The following CACNA1A variants were observed in gnomAD, a reference collection of about 807,000 sequenced individuals.
CACNA1A encodes the protein calcium voltage-gated channel subunit alpha1 A.
Under a neutral mutation model 262.4 loss-of-function variants are expected in CACNA1A, and 57 were observed. The ratio of observed to expected loss-of-function variants is 0.22; its 90% CI spans 0.18 to 0.27. The LOEUF (loss-of-function observed/expected upper bound fraction) is 0.27, where lower values mean the gene tolerates loss of function less well. Among genes scored for constraint, CACNA1A ranks in the 10% least tolerant of loss-of-function variants. CACNA1A has a pLI of 1.00. For missense variants in CACNA1A, 2,526 were observed against 3,562.8 expected (o/e 0.71, Z 7.41); for synonymous variants, 1,431 against 1,419.3 (o/e 1.01, Z -0.18).
intron 5 of CACNA1A, among the ~76,000 whole-genome samples, chr19:13,361,371 T>C (rs369078569): frequency 6.6e-6 from 1 of 152,046 alleles, no homozygotes; most frequent in Middle Eastern, 3.4e-3. Flanking sequence ...ATTGATGGGG[T>C]AGGGAGGCAG....
At position 13,495,555 on chromosome 19, in the gene CACNA1A, CA is replaced by C. The variant is rs910849268; in HGVS notation, c.293+10376del. On this transcript the variant is annotated intron_variant, in intron 1 of 46. Transcript: ENST00000360228. ...TTGTGATCTGCCTGCCTCGGCCTCCCAAAGTCCTAAACATACAATCTTATTG... is the reference window on the plus strand; with the variant it reads ...TTGTGATCTGCCTGCCTCGGCCTCCCAAGTCCTAAACATACAATCTTATTG... 6.6e-5 allele frequency among the ~76,000 whole-genome samples: 10 copies of C among 152,264 alleles called. No individual in the cohort carries two copies. In the East Asian group the frequency reaches 1.2e-3, roughly 18 times the overall value.
rs970313436 is a variant in CACNA1A at position 13,217,976 on chromosome 19, A to G, written c.5732-3368T>C. ...TAAAAAAAAGAGATAGGGTCTCACT[A>G]TGTTGCCTAGGCTGGTCTCGAACTC... On this transcript the variant is annotated intron_variant, in intron 38 of 46. Transcript: ENST00000360228. Among the ~76,000 whole-genome samples the G allele has an allele frequency of 4.8e-5, 6 of 124,176 alleles. No individual in the cohort carries two copies. In the South Asian group the frequency reaches 1.0e-3, roughly 21 times the overall value. 81.5% of individuals were successfully genotyped at this position (124,176 alleles called of 152,430 possible).
chr19:13,394,773 G>C (rs1401169737), intron 3 of CACNA1A, among the ~76,000 whole-genome samples: 1 of 152,140 alleles, frequency 6.6e-6, no homozygotes, highest in Non-Finnish European at 1.5e-5. Flanking sequence ...AGCAGCCACA[G>C]AAGCAAAAGT....
At chr19:13,266,405 A>T (rs1176126784) in intron 24 of CACNA1A, among the ~76,000 whole-genome samples, 3 of 152,020 alleles carry the variant, frequency 2.0e-5, no homozygotes, top group African/African-American at 7.3e-5. Context: ...TTTAGAATAC[A>T]TGTTGATAGA....
chr19:13,475,294 T>A (rs1162513278), intron 1 of CACNA1A, among the ~76,000 whole-genome samples: 2 of 152,226 alleles, frequency 1.3e-5, no homozygotes, highest in Non-Finnish European at 2.9e-5. Context: ...ACCCCAGGTC[T>A]ATTTTTCTAC....
At chr19:13,483,166 T>G (rs1979558003) in intron 1 of CACNA1A, among the ~76,000 whole-genome samples, 1 of 152,050 alleles carries the variant, frequency 6.6e-6, no homozygotes, top group African/African-American at 2.4e-5. Flanking sequence ...GCCTTCATAC[T>G]CTTTTCCTAC....
intron 3 of CACNA1A, among the ~76,000 whole-genome samples, chr19:13,380,005 G>C (rs1429941016): frequency 2.9e-5 from 4 of 139,172 alleles, no homozygotes; most frequent in Non-Finnish European, 1.5e-5. Context: ...AAATTTTATA[G>C]CCAGGTGCGG....
chr19:13,274,529 G>C (rs2040658374), intron 24 of CACNA1A: 1 of 152,378 alleles, frequency 6.6e-6, no homozygotes, highest in South Asian at 2.1e-4. Context: ...CATTCACCAT[G>C]ATGGGCACAG....
At chr19:13,246,337 T>C (rs533575248) in intron 30 of CACNA1A, among the ~76,000 whole-genome samples, 28 of 152,314 alleles carry the variant, frequency 1.8e-4, no homozygotes, top group Admixed American at 5.2e-4. Context: ...AGTGATGTGC[T>C]GTGTGTGGAA....
chr19:13,300,630 C>T lies in CACNA1A; in HGVS notation c.2199G>A (p.Ala733=), dbSNP rs1463843521. 17 of 1,613,928 alleles carry T rather than the reference C, an allele frequency of 1.1e-5. No individual in the cohort carries two copies. The highest frequency in any genetic ancestry group is 1.7e-4 in the Middle Eastern group (1 of 6,060). ...TKDEQEEEEA[A]NQKLALQKAK... is the part of the protein sequence containing the mutation. The stretch of plus-strand genomic sequence containing the variant: ...CTTTCTGTAGGGCAAGTTTCTGGTT[C>T]GCTGCTTCTTCTTCCTCTTGCTCGT... The change falls in exon 18 of 47, where the codon GCG becomes GCA. Residue 733 remains alanine, a synonymous_variant. Coordinates refer to ENST00000360228, the MANE Select transcript of CACNA1A (RefSeq NM_001127222.2).
intron 1 of CACNA1A, among the ~76,000 whole-genome samples, chr19:13,474,166 C>T (rs1004827628): frequency 4.6e-5 from 7 of 152,210 alleles, no homozygotes; most frequent in African/African-American, 1.4e-4. Context: ...CAACACCCAG[C>T]GCAGACAGAA....
At chr19:13,238,037 C>G (rs2055937479) in intron 31 of CACNA1A, among the ~76,000 whole-genome samples, 1 of 152,174 alleles carries the variant, frequency 6.6e-6, no homozygotes, top group South Asian at 2.1e-4. Flanking sequence ...AACATGCTTC[C>G]CTTCTTGGAG....
At chr19:13,419,618 A>C (rs994619929) in intron 3 of CACNA1A, among the ~76,000 whole-genome samples, 1 of 152,262 alleles carries the variant, frequency 6.6e-6, no homozygotes, top group African/African-American at 2.4e-5. Context: ...TCGAGGCTGC[A>C]GTGAGCTGTT....
intron 3 of CACNA1A, among the ~76,000 whole-genome samples, chr19:13,398,161 G>A (rs892469647): frequency 2.6e-5 from 4 of 151,902 alleles, no homozygotes; most frequent in Admixed American, 2.0e-4. Context: ...TACTGGGGAG[G>A]CTGAGTCAGG....
intron 3 of CACNA1A, among the ~76,000 whole-genome samples, chr19:13,400,311 T>G (rs1276002700): frequency 6.6e-6 from 1 of 152,218 alleles, no homozygotes; most frequent in East Asian, 1.9e-4. Flanking sequence ...GGATGAATTT[T>G]CATGATGCCT....
At chr19:13,217,516 T>C (rs541971589) in intron 38 of CACNA1A, among the ~76,000 whole-genome samples, 1 of 152,150 alleles carries the variant, frequency 6.6e-6, no homozygotes, top group Non-Finnish European at 1.5e-5. Context: ...CCTCTTGACC[T>C]TCCGTAACCC....
At chr19:13,389,844 G>A (rs1022216595) in intron 3 of CACNA1A, among the ~76,000 whole-genome samples, 16 of 151,756 alleles carry the variant, frequency 1.1e-4, no homozygotes, top group Non-Finnish European at 1.9e-4. Context: ...ACAGAGTCTC[G>A]CTCTGTCGCC....
At chr19:13,333,987 C>A in intron 8 of CACNA1A, 1 of 180,646 alleles carries the variant, frequency 5.5e-6, no homozygotes, top group Non-Finnish European at 1.2e-5. Context: ...GTGTATCAGG[C>A]ACTTCTCTCC....
chr19:13,312,092 C>G (rs1346817023), intron 12 of CACNA1A, among the ~76,000 whole-genome samples: 1 of 152,100 alleles, frequency 6.6e-6, no homozygotes, highest in African/African-American at 2.4e-5. Flanking sequence ...AGTTTTTGCC[C>G]TGGTTCGATG....
Sources: gnomAD v4.1 joint callset for allele counts (sites outside exome capture counted in the v4.1 genomes callset) on GRCh38, gnomAD v4.1.1 for gene constraint, MANE v1.5 for transcripts, NCBI Gene and HGNC (gene_info 2026-07-23, HGNC 2026-07-21) for gene names.